ABCA4: variants seen among roughly 807,000 people sequenced by gnomAD.
ABCA4 encodes the protein ATP binding cassette subfamily A member 4, also known as retinal-specific phospholipid-transporting ATPase ABCA4.
ABCA4 carries 196 observed loss-of-function variants against 263.7 expected under a neutral mutation model. The ratio of observed to expected loss-of-function variants is 0.74; its 90% confidence interval spans 0.66 to 0.84. The LOEUF (loss-of-function observed/expected upper bound fraction) is 0.84. Among genes scored for constraint, ABCA4 ranks in the 40% least tolerant of loss-of-function variants. The pLI, the probability that ABCA4 is intolerant of heterozygous loss-of-function variation, is 0.00. For missense variants in ABCA4, 2,792 were observed against 2,855.1 expected (o/e 0.98, Z 0.50); for synonymous variants, 1,133 against 1,094.2 (o/e 1.04, Z -0.70).
intron 26 of ABCA4, among the ~76,000 whole-genome samples, chr1:94,034,291 G>GGA (rs1398144816): frequency 6.6e-6 from 1 of 152,106 alleles, no homozygotes; most frequent in Non-Finnish European, 1.5e-5. Context: ...TTAGAAGCAG[G>GGA]GAGCCCTTTT....
intron 7 of ABCA4, 142 bp downstream of exon 7, chr1:94,083,210 G>C (rs1367108030): frequency 1.2e-6 from 1 of 804,782 alleles, no homozygotes; most frequent in Non-Finnish European, 2.1e-6. Context: ...GATGTGAACA[G>C]GTGCTTTGAA....
intron 31 of ABCA4, 36 bp from the exon 32 acceptor site, chr1:94,023,454 CA>C (rs1557769579): frequency 6.5e-7 from 1 of 1,546,094 alleles, no homozygotes; most frequent in South Asian, 1.1e-5. Context: ...ATGAATACCA[CA>C]AGTACAGCAG....
chr1:94,033,991 T>C (rs1360573627), intron 26 of ABCA4, among the ~76,000 whole-genome samples: 1 of 152,164 alleles, frequency 6.6e-6, no homozygotes, highest in African/African-American at 2.4e-5. Context: ...TGGAGCCCAC[T>C]GACCTGGCCA....
At chr1:94,002,817 G>A (rs549019666) in intron 44 of ABCA4, among the ~76,000 whole-genome samples, 1 of 152,190 alleles carries the variant, frequency 6.6e-6, no homozygotes, top group Admixed American at 6.5e-5. Context: ...TTTCCCTGAG[G>A]ACTTTTCACT....
rs1659910931 is a variant in ABCA4, at chr1:94,021,875, C to A, written c.4744G>T (p.Asp1582Tyr). 1 of 1,614,174 alleles carries A rather than the reference C, an allele frequency of 6.2e-7. No homozygotes were observed. Among genetic ancestry groups the A allele is most frequent in the Non-Finnish European group, 8.5e-7 (1 of 1,180,034 alleles). ...TGEALVGFLS[D>Y]LGRIMNVSGG... ...CTCACATTCATGATCCGGCCAAGGT[C>A]GCTTAAAAACCCAACAAGTGCTTCC... Residue 1582 changes from aspartate to tyrosine, a missense_variant, in exon 33 of 50, where the codon GAC (aspartate) becomes TAC (tyrosine). By Grantham distance (160) the Asp-to-Tyr change is radical. Transcript: ENST00000370225.
At chr1:94,062,509 C>G in intron 13 of ABCA4, 68 bp downstream of exon 13, 1 of 1,507,746 alleles carries the variant, frequency 6.6e-7, no homozygotes, top group Non-Finnish European at 9.2e-7. Context: ...GCACCCCCAG[C>G]CCACCCCAGC....
At chr1:94,084,770 G>T (rs1322386755) in intron 6 of ABCA4, among the ~76,000 whole-genome samples, 1 of 152,172 alleles carries the variant, frequency 6.6e-6, no homozygotes, top group Non-Finnish European at 1.5e-5. Context: ...CATTTGTCTT[G>T]CCGGGAGTAC....
Position 94,021,961 on chromosome 1 carries a change from A to C in ABCA4, c.4668-10T>G. ...GGAAATTCCTCCATACCTGACAAGG[A>C]AACAGGAAATCCTCAGACCAGGGCC... is the stretch of plus-strand genomic sequence containing the variant. On this transcript the variant is annotated splice_polypyrimidine_tract_variant and intron_variant, in intron 32 of 49. Coordinates refer to ENST00000370225, the MANE Select transcript of ABCA4 (RefSeq NM_000350.3). 6.2e-7 allele frequency: 1 copy of C among 1,613,088 alleles called. No homozygotes were observed. The highest frequency in any genetic ancestry group is 8.5e-7 in the Non-Finnish European group (1 of 1,179,020).
intron 2 of ABCA4, among the ~76,000 whole-genome samples, chr1:94,112,235 C>T (rs554108690): frequency 1.3e-5 from 2 of 152,308 alleles, no homozygotes; most frequent in South Asian, 4.1e-4. Flanking sequence ...GGTCTGCAGA[C>T]ACCTCAGGGG....
chr1:94,014,812 AG>A (rs1659678147), intron 37 of ABCA4, 122 bp from the exon 38 acceptor site: 4 of 1,247,390 alleles, frequency 3.2e-6, no homozygotes, highest in Non-Finnish European at 4.7e-6. Flanking sequence ...CCAGAGTCCC[AG>A]GGGACCAGAG....
chr1:94,101,202 A>G (rs1262423801), intron 5 of ABCA4, among the ~76,000 whole-genome samples: 1 of 152,260 alleles, frequency 6.6e-6, no homozygotes, highest in African/African-American at 2.4e-5. Flanking sequence ...AATTTCCCCG[A>G]AATTCCTGTC....
rs1660760875 is a variant in ABCA4, at chr1:94,048,859, G to T, written c.2743+9C>A. 6.2e-7 allele frequency: 1 copy of T among 1,613,734 alleles called. No individual in the cohort carries two copies. The highest frequency in any genetic ancestry group is 8.5e-7 in the Non-Finnish European group (1 of 1,179,790). ...CGCCTCTGCTGTGTATTCTTTATCG[G>T]GGTTTTACCGTGTATTCCTTCTGGG... On this transcript the variant is annotated intron_variant, in intron 18 of 49. Coordinates refer to ENST00000370225, the MANE Select transcript of ABCA4 (RefSeq NM_000350.3).
chr1:94,008,177 G>C (rs1210008835), intron 42 of ABCA4, 58 bp downstream of exon 42: 3 of 1,498,936 alleles, frequency 2.0e-6, no homozygotes, highest in Non-Finnish European at 2.8e-6. Context: ...GGGGAGGAGA[G>C]GCAGGCACAA....
At chr1:94,029,657 A>T (rs769243124) in intron 29 of ABCA4, 26 bp from the exon 30 acceptor site, 1 of 1,604,164 alleles carries the variant, frequency 6.2e-7, no homozygotes, top group Non-Finnish European at 8.5e-7. Flanking sequence ...AAAATATTCC[A>T]TAATCAGCCT....
Position 94,010,847 on chromosome 1 carries a change from G to A in ABCA4, c.5667C>T (p.Tyr1889=). The change falls in exon 40 of 50, where the codon TAC becomes TAT. Residue 1889 remains tyrosine, a synonymous_variant. Coordinates refer to ENST00000370225, the MANE Select transcript of ABCA4 (RefSeq NM_000350.3). ...LFAMVVEGVV[Y]FLLTLLVQRH... Reference sequence around the variant, plus strand: ...GCTGGACCAGCAGGGTCAGGAGGAAGTACACCACCCCTTCCACCACCATGG... The same window carrying A: ...GCTGGACCAGCAGGGTCAGGAGGAAATACACCACCCCTTCCACCACCATGG... 6.2e-7 allele frequency: 1 copy of A among 1,614,140 alleles called. No individual in the cohort carries two copies. Among genetic ancestry groups the A allele is most frequent in the Non-Finnish European group, 8.5e-7 (1 of 1,180,038 alleles).
chr1:94,001,438 G>C (rs1013298115), intron 45 of ABCA4: 4 of 496,722 alleles, frequency 8.1e-6, no homozygotes, highest in Non-Finnish European at 1.5e-5. Context: ...TCACTTCCTT[G>C]GTTCCCGCTA....
At chr1:94,098,084 T>C (rs1272464019) in intron 6 of ABCA4, among the ~76,000 whole-genome samples, 1 of 152,018 alleles carries the variant, frequency 6.6e-6, no homozygotes, top group Non-Finnish European at 1.5e-5. Context: ...CACTTTGCAG[T>C]GTGAAAACCT....
chr1:94,030,297 G>T, intron 29 of ABCA4, 131 bp downstream of exon 29: 1 of 797,572 alleles, frequency 1.3e-6, no homozygotes, highest in Non-Finnish European at 2.1e-6. Context: ...GGGGAGTGCT[G>T]GTCAGAGACA....
chr1:94,109,256 C>T (rs1662531591), intron 3 of ABCA4, among the ~76,000 whole-genome samples: 1 of 152,176 alleles, frequency 6.6e-6, no homozygotes, highest in African/African-American at 2.4e-5. Context: ...CCTCTCGGTC[C>T]CATGCTCTGT....
Sources: gnomAD v4.1 joint callset for allele counts (sites outside exome capture counted in the v4.1 genomes callset) on GRCh38, gnomAD v4.1.1 for gene constraint, MANE v1.5 for transcripts, NCBI Gene and HGNC (gene_info 2026-07-23, HGNC 2026-07-21) for gene names.